Variants in MCF2L observed in about 807,000 individuals in gnomAD.
The protein encoded by MCF2L is guanine nucleotide exchange factor DBS.
MCF2L carries 97 observed loss-of-function variants against 153.4 expected under a neutral mutation model. That is an observed-to-expected ratio of 0.63 (90% CI 0.54 to 0.75). The LOEUF is 0.75. Ranked by LOEUF, MCF2L falls within the 30% of genes least tolerant of loss-of-function variation. The pLI, the probability that MCF2L is intolerant of heterozygous loss-of-function variation, is 0.00. For missense variants in MCF2L, 1,347 were observed against 1,495.2 expected (o/e 0.90, Z 1.64); for synonymous variants, 659 against 632.2 (o/e 1.04, Z -0.64).
intron 26 of MCF2L, chr13:113,090,887 A>G: frequency 2.6e-6 from 3 of 1,164,888 alleles, no homozygotes; most frequent in Non-Finnish European, 3.2e-6. Context: ...GGGCCCCGAA[A>G]GGACGCCTCT....
rs1361001492 is a variant in MCF2L at position 113,058,773 on chromosome 13, TG to T, written c.370-1815del. On this transcript the variant is annotated intron_variant, in intron 4 of 29. Transcript: ENST00000535094. The stretch of plus-strand genomic sequence containing the variant: ...GCTGTGTGTTTGGGGGCTGAGTATT[TG>T]GGGGCTGAGTGGACACTGTGTATTT... Among the ~76,000 whole-genome samples the T allele has an allele frequency of 1.4e-4, 19 of 133,302 alleles. 2 individuals carry two copies. The highest frequency in any genetic ancestry group is 4.7e-4 in the African/African-American group (16 of 34,380). 87.5% of individuals were successfully genotyped at this position (133,302 alleles called of 152,430 possible).
At position 112,983,638 on chromosome 13, in the gene MCF2L, C is replaced by T. The variant is rs1188330129; in HGVS notation, c.79+14180C>T. 6.6e-6 allele frequency among the ~76,000 whole-genome samples: 1 copy of T among 152,222 alleles called. No individual in the cohort carries two copies. Among genetic ancestry groups the T allele is most frequent in the East Asian group, 1.9e-4 (1 of 5,186 alleles). On this transcript the variant is annotated intron_variant, in intron 1 of 29. Coordinates refer to ENST00000535094, the MANE Select transcript of MCF2L (RefSeq NM_001112732.3). This position sits in a 1 kb window ranked among gnomAD's most constrained non-coding sequence, Gnocchi z 4.0. ...GCCTCTTTACAGCTCTGTCCCCTGCCTTATCTCGCTGGCTCTGCCCTTGGT... is the reference window on the plus strand; with the variant it reads ...GCCTCTTTACAGCTCTGTCCCCTGCTTTATCTCGCTGGCTCTGCCCTTGGT...
intron 3 of MCF2L, chr13:113,026,719 C>G: frequency 1.7e-6 from 1 of 590,464 alleles, no homozygotes; most frequent in Admixed American, 3.1e-5. Flanking sequence ...CCGCCTCCTG[C>G]CCTTTCCAGG....
chr13:113,073,349 T>C (rs1233258834), intron 9 of MCF2L, among the ~76,000 whole-genome samples: 2 of 152,210 alleles, frequency 1.3e-5, no homozygotes, highest in East Asian at 3.8e-4. Context: ...GGTATTGAGT[T>C]CTTCTATATC....
At chr13:113,052,115 G>C (rs1249930826) in intron 4 of MCF2L, among the ~76,000 whole-genome samples, 1 of 152,198 alleles carries the variant, frequency 6.6e-6, no homozygotes, top group Non-Finnish European at 1.5e-5. Context: ...CGGTTAATTG[G>C]CTTGATTTAA....
In MCF2L at chr13:113,046,644, T is replaced by C. The variant is rs1204323782; in HGVS notation, c.369+1283T>C. ...TCCGATGCCCACAACCTTCATCGTT[T>C]TGGTGCAAGCCTGTCCCTGAGCCGC... is the stretch of plus-strand genomic sequence containing the variant. On this transcript the variant is annotated intron_variant, in intron 4 of 29. Coordinates refer to ENST00000535094, the MANE Select transcript of MCF2L (RefSeq NM_001112732.3). The surrounding 1 kb of genome is among the most constrained non-coding windows in gnomAD (Gnocchi z 4.4). The C allele has an allele frequency of 1.9e-6, 1 of 533,256 alleles. No individual in the cohort carries two copies. The highest frequency in any genetic ancestry group is 1.9e-5 in the African/African-American group (1 of 51,946). 33.0% of individuals were successfully genotyped at this position (533,256 alleles called of 1,614,324 possible).
intron 1 of MCF2L, among the ~76,000 whole-genome samples, chr13:113,003,606 G>A (rs1327096637): frequency 6.6e-6 from 1 of 152,198 alleles, no homozygotes; most frequent in Admixed American, 6.5e-5. Flanking sequence ...TGAAGGACCA[G>A]GCAAAGCCAG....
rs1199515731 is a variant in MCF2L, at chr13:113,088,389, G to A, written c.2751G>A (p.Gln917=). Residue 917 remains glutamine, a synonymous_variant, in exon 24 of 30, where the codon CAG becomes CAA. Coordinates refer to ENST00000535094, the MANE Select transcript of MCF2L (RefSeq NM_001112732.3). Reference sequence around the variant, plus strand: ...AAATTCGGAAAGTGCTGACCAGCCAGCTGCAGGCTTGTAGAGGTGAGGCTG... The same window carrying A: ...AAATTCGGAAAGTGCTGACCAGCCAACTGCAGGCTTGTAGAGGTGAGGCTG... ...VNEIRKVLTS[Q]LQACREASQH... is the part of the protein sequence containing the mutation. 1 of 1,614,042 alleles carries A rather than the reference G, an allele frequency of 6.2e-7. No homozygotes were observed. Among genetic ancestry groups the A allele is most frequent in the Non-Finnish European group, 8.5e-7 (1 of 1,180,030 alleles).
rs994667397 is a variant in MCF2L, at chr13:113,035,463, G to A, written c.279-9808G>A. On this transcript the variant is annotated intron_variant, in intron 3 of 29. Transcript: ENST00000535094. This position sits in a 1 kb window ranked among gnomAD's most constrained non-coding sequence, Gnocchi z 4.4. ...ACCCGGCTCTGCAGTCTGTTTTGCC[G>A]TTTTCCGCCTCAAACCCCCTCTGCG... Among the ~76,000 whole-genome samples, 5 of 152,226 alleles carry A rather than the reference G, an allele frequency of 3.3e-5. No individual in the cohort carries two copies. The highest frequency in any genetic ancestry group is 2.1e-4 in the South Asian group (1 of 4,816).
At chr13:113,088,703 T>C in intron 25 of MCF2L, 75 bp downstream of exon 25, 1 of 1,452,618 alleles carries the variant, frequency 6.9e-7, no homozygotes. Context: ...GCCAGGGTCC[T>C]CGGCCTCTGT....
At position 113,078,517 on chromosome 13, in the gene MCF2L, C is replaced by G. The variant is rs558043873; in HGVS notation, c.1734+81C>G. 61 of 1,422,748 alleles carry G rather than the reference C, an allele frequency of 4.3e-5. No homozygotes were observed. The Admixed American group carries it at 9.0e-4, about 21-fold the overall frequency. The allele number at this position is 1,422,748 out of a possible 1,614,324, so 88.1% of individuals were successfully genotyped here. On this transcript the variant is annotated intron_variant, in intron 14 of 29. Coordinates refer to ENST00000535094, the MANE Select transcript of MCF2L (RefSeq NM_001112732.3). ...GGGCCTGGTTCTCCGTGTGGCCCCCCCTCCCGGGCACTGCCCAGCTACCTG... is the reference window on the plus strand; with the variant it reads ...GGGCCTGGTTCTCCGTGTGGCCCCCGCTCCCGGGCACTGCCCAGCTACCTG...
chr13:113,092,498 G>A (rs571110302), intron 26 of MCF2L, among the ~76,000 whole-genome samples: 6 of 152,204 alleles, frequency 3.9e-5, no homozygotes, highest in African/African-American at 1.4e-4. Flanking sequence ...GCCACTGCCC[G>A]TGGGTCATTT....
intron 2 of MCF2L, among the ~76,000 whole-genome samples, chr13:112,913,715 T>TGGGGAAGGATTCA (rs2081259986): frequency 6.6e-6 from 1 of 150,630 alleles, no homozygotes; most frequent in Non-Finnish European, 1.5e-5. Flanking sequence ...GGATCACGGC[T>TGGGGAAGGATTCA]GCCCCAGGGA....
At chr13:112,899,810 G>A (rs2081103059) in intron 1 of MCF2L, among the ~76,000 whole-genome samples, 2 of 152,216 alleles carry the variant, frequency 1.3e-5, no homozygotes, top group Admixed American at 1.3e-4. Context: ...CAGTGTGACG[G>A]GCCGCGCGTG....
intron 1 of MCF2L, among the ~76,000 whole-genome samples, chr13:112,986,716 G>A (rs1167246935): frequency 6.6e-6 from 1 of 152,230 alleles, no homozygotes; most frequent in Non-Finnish European, 1.5e-5. Context: ...CTGCCTGTGG[G>A]TGGACACTGG....
At chr13:112,897,998 C>T (rs546883436) in intron 1 of MCF2L, among the ~76,000 whole-genome samples, 143 of 152,234 alleles carry the variant, frequency 9.4e-4, no homozygotes, top group African/African-American at 3.1e-3. Context: ...GCCCCGGCCC[C>T]GGCCCTGGGT....
chr13:113,071,105 T>A (rs1211437049), intron 9 of MCF2L, among the ~76,000 whole-genome samples: 1 of 152,214 alleles, frequency 6.6e-6, no homozygotes, highest in Non-Finnish European at 1.5e-5. Flanking sequence ...GTGTGTGCCA[T>A]CTCACGGTGG....
intron 5 of MCF2L, among the ~76,000 whole-genome samples, chr13:113,062,206 G>A (rs2031620080): frequency 6.6e-6 from 1 of 152,042 alleles, no homozygotes; most frequent in African/African-American, 2.4e-5. Flanking sequence ...TGCAGAGCAG[G>A]GACTCGTGGG....
Position 113,064,423 on chromosome 13 carries a change from G to A in MCF2L, c.606+3G>A. Reference sequence around the variant, plus strand: ...CCCGGTGGCTGTGCCAGCGCACGGTGAGCCGCGTCGGGGCCAGCGGGGCTG... The same window carrying A: ...CCCGGTGGCTGTGCCAGCGCACGGTAAGCCGCGTCGGGGCCAGCGGGGCTG... On this transcript the variant is annotated splice_donor_region_variant and intron_variant, in intron 6 of 29. Transcript: ENST00000535094. The surrounding 1 kb of genome is among the most constrained non-coding windows in gnomAD (Gnocchi z 6.0). 1 of 1,605,356 alleles carries A rather than the reference G, an allele frequency of 6.2e-7. No individual in the cohort carries two copies. The highest frequency in any genetic ancestry group is 8.5e-7 in the Non-Finnish European group (1 of 1,174,298).
Sources: allele counts gnomAD v4.1 joint callset (sites outside exome capture counted in the v4.1 genomes callset), GRCh38; gene constraint gnomAD v4.1.1; non-coding constraint Gnocchi (gnomAD v3.1); transcripts MANE v1.5; gene names NCBI Gene and HGNC (gene_info 2026-07-23, HGNC 2026-07-21).